Variants in CTNNA3 observed in about 807,000 individuals in gnomAD.
CTNNA3 encodes the protein catenin alpha 3.
In CTNNA3, 76 loss-of-function variants were observed where a neutral mutation model predicts 95.7. The ratio of observed to expected loss-of-function variants is 0.79; its 90% CI spans 0.66 to 0.96. The LOEUF is 0.96. CTNNA3 is among the 40% of genes least tolerant of loss of function. The probability of loss-of-function intolerance (pLI) is 0.00; values close to 1 mark genes in which losing one functional copy is unlikely to be tolerated. For synonymous variants in CTNNA3, 431 were observed against 374.4 expected (o/e 1.15, Z -1.74); for missense variants, 1,191 against 1,089.8 (o/e 1.09, Z -1.31).
chr10:66,428,184 A>G (rs888452510), intron 11 of CTNNA3, among the ~76,000 whole-genome samples: 3 of 152,212 alleles, frequency 2.0e-5, no homozygotes, highest in African/African-American at 7.2e-5. Context: ...AAAGGAATCA[A>G]TTCAACAAGA....
chr10:65,993,743 T>C (rs930713729), intron 15 of CTNNA3, among the ~76,000 whole-genome samples: 3 of 152,156 alleles, frequency 2.0e-5, no homozygotes, highest in Admixed American at 6.5e-5. Context: ...TTTCTCTCTA[T>C]ATATATTTTT....
At chr10:67,378,055 AT>A (rs1304218970) in intron 5 of CTNNA3, among the ~76,000 whole-genome samples, 1 of 152,026 alleles carries the variant, frequency 6.6e-6, no homozygotes, top group Admixed American at 6.6e-5. Context: ...TCTAGCTTTA[AT>A]TTTGTACCCT....
chr10:66,978,988 A>G (rs1850250614), intron 7 of CTNNA3, among the ~76,000 whole-genome samples: 1 of 114,898 alleles, frequency 8.7e-6, no homozygotes, highest in South Asian at 2.7e-4. Context: ...TTTTTTTGAG[A>G]CAGTCTTGCT....
chr10:66,891,176 C>T (rs906886233), intron 7 of CTNNA3, among the ~76,000 whole-genome samples: 4 of 152,058 alleles, frequency 2.6e-5, no homozygotes, highest in African/African-American at 9.7e-5. Flanking sequence ...TTCAATTGTG[C>T]ATCAAAGATG....
rs569710662 is a variant in CTNNA3 at position 67,058,831 on chromosome 10, A to G, written c.1047+121486T>C. Among the ~76,000 whole-genome samples, 10 of 152,296 alleles carry G rather than the reference A, an allele frequency of 6.6e-5. No individual in the cohort carries two copies. In the East Asian group the frequency reaches 1.7e-3, roughly 26 times the overall value. On this transcript the variant is annotated intron_variant, in intron 7 of 17. Transcript: ENST00000433211. Reference sequence around the variant, plus strand: ...AATCTGAGTTCTAGGCTGTTTTCTAATGATTCTTAGACACATATCAATTTC... The same window carrying G: ...AATCTGAGTTCTAGGCTGTTTTCTAGTGATTCTTAGACACATATCAATTTC...
chr10:66,113,996 G>A (rs905501797), intron 13 of CTNNA3, among the ~76,000 whole-genome samples: 6 of 152,128 alleles, frequency 3.9e-5, no homozygotes, highest in African/African-American at 1.4e-4. Context: ...AAAAATGGTG[G>A]TGGCAGCAGT....
chr10:66,366,155 G>C (rs111478425), intron 12 of CTNNA3, among the ~76,000 whole-genome samples: 2,291 of 152,252 alleles, frequency 0.015, 59 homozygotes, highest in African/African-American at 0.053. Context: ...AGGAGGCAGA[G>C]TAAGGAAGCT....
At chr10:66,755,486 T>G (rs552521580) in intron 9 of CTNNA3, among the ~76,000 whole-genome samples, 20 of 152,268 alleles carry the variant, frequency 1.3e-4, no homozygotes, top group African/African-American at 4.3e-4. Flanking sequence ...TGATATCATT[T>G]GTAATTAGGG....
chr10:66,937,495 G>A (rs1014573223), intron 7 of CTNNA3, among the ~76,000 whole-genome samples: 2 of 152,102 alleles, frequency 1.3e-5, no homozygotes, highest in Non-Finnish European at 2.9e-5. Flanking sequence ...AATGCGCTTT[G>A]AAAGTCATAT....
intron 7 of CTNNA3, among the ~76,000 whole-genome samples, chr10:66,900,415 G>A (rs1040795708): frequency 3.3e-5 from 5 of 152,166 alleles, no homozygotes; most frequent in African/African-American, 1.2e-4. Context: ...AAGATGGGGA[G>A]AAACCAGAAC....
intron 7 of CTNNA3, among the ~76,000 whole-genome samples, chr10:66,875,798 C>T (rs182525792): frequency 6.6e-6 from 1 of 152,230 alleles, no homozygotes; most frequent in Admixed American, 6.5e-5. Flanking sequence ...TAAAAAGAAG[C>T]AATCATCCAC....
intron 7 of CTNNA3, among the ~76,000 whole-genome samples, chr10:66,835,499 T>C (rs2132332296): frequency 6.6e-6 from 1 of 152,346 alleles, no homozygotes; most frequent in Admixed American, 6.5e-5. Context: ...CCTGTTATCA[T>C]ATTTACTGAT....
At chr10:67,658,975 T>C (rs1170876286) in intron 1 of CTNNA3, among the ~76,000 whole-genome samples, 1 of 152,140 alleles carries the variant, frequency 6.6e-6, no homozygotes, top group African/African-American at 2.4e-5. Flanking sequence ...CCAAAAATGA[T>C]GAGTTTTATG....
chr10:66,833,022 A>G (rs1256523343), intron 7 of CTNNA3, among the ~76,000 whole-genome samples: 1 of 152,210 alleles, frequency 6.6e-6, no homozygotes, highest in Non-Finnish European at 1.5e-5. Context: ...AATTTGTGCG[A>G]TAGATTATTT....
chr10:67,316,014 A>T (rs1841035472), intron 5 of CTNNA3, among the ~76,000 whole-genome samples: 1 of 152,164 alleles, frequency 6.6e-6, no homozygotes, highest in Non-Finnish European at 1.5e-5. Flanking sequence ...TCAAACTCTT[A>T]GACTGAGTTT....
chr10:67,209,531 G>C (rs977263827), intron 6 of CTNNA3, among the ~76,000 whole-genome samples: 1 of 152,092 alleles, frequency 6.6e-6, no homozygotes, highest in Non-Finnish European at 1.5e-5. Flanking sequence ...CTCCCAAAGA[G>C]AGAATACACA....
At chr10:67,270,118 A>T (rs1363055669) in intron 5 of CTNNA3, among the ~76,000 whole-genome samples, 4 of 143,406 alleles carry the variant, frequency 2.8e-5, no homozygotes, top group Non-Finnish European at 4.5e-5. Context: ...AATTTACACC[A>T]CCAGTATTTG....
At chr10:66,028,859 T>G (rs2079396823) in intron 15 of CTNNA3, among the ~76,000 whole-genome samples, 1 of 152,086 alleles carries the variant, frequency 6.6e-6, no homozygotes, top group Non-Finnish European at 1.5e-5. Flanking sequence ...AGATGATTTA[T>G]TTATGAAGAC....
chr10:67,681,909 G>C (rs1262510505), intron 1 of CTNNA3, among the ~76,000 whole-genome samples: 1 of 152,092 alleles, frequency 6.6e-6, no homozygotes, highest in Non-Finnish European at 1.5e-5. Context: ...TGTAATCCCA[G>C]CACTTTGGGA....
Sources: allele counts gnomAD v4.1 joint callset (sites outside exome capture counted in the v4.1 genomes callset), GRCh38; gene constraint gnomAD v4.1.1; transcripts MANE v1.5; gene names NCBI Gene and HGNC (gene_info 2026-07-23, HGNC 2026-07-21).